Variants in TUSC3 observed in about 807,000 individuals in gnomAD.
TUSC3 encodes the protein dolichyl-diphosphooligosaccharide--protein glycosyltransferase subunit TUSC3.
TUSC3 carries 45 observed loss-of-function variants against 44.8 expected under a neutral mutation model. The ratio of observed to expected loss-of-function variants is 1.00; its 90% CI spans 0.79 to 1.29. The LOEUF is 1.29. Among genes scored for constraint, TUSC3 ranks in the 50% most tolerant of loss-of-function variants. The pLI is 0.00. For missense variants in TUSC3, 519 were observed against 437.9 expected (o/e 1.19, Z -1.65); for synonymous variants, 212 against 152.9 (o/e 1.39, Z -2.85).
intron 6 of TUSC3, among the ~76,000 whole-genome samples, chr8:15,686,491 A>T (rs913944998): frequency 5.2e-4 from 78 of 148,916 alleles, no homozygotes; most frequent in Admixed American, 1.5e-3. Flanking sequence ...TCATCGAGGC[A>T]TTTTTTTTTT....
In TUSC3 at chr8:15,684,628, A is replaced by G. The variant is rs1400550760; in HGVS notation, c.798+10792A>G. Reference sequence around the variant, plus strand: ...GTTCCTCCCGGACTGGTCTTATGAAAGGAGGGATGCCCAGCTCTGATGTCA... The same window carrying G: ...GTTCCTCCCGGACTGGTCTTATGAAGGGAGGGATGCCCAGCTCTGATGTCA... On this transcript the variant is annotated intron_variant, in intron 6 of 10. Coordinates refer to ENST00000503731, the MANE Select transcript of TUSC3 (RefSeq NM_006765.4). Among the ~76,000 whole-genome samples the G allele has an allele frequency of 2.0e-5, 3 of 152,144 alleles. No individual in the cohort carries two copies. In the East Asian group the frequency reaches 5.8e-4, roughly 29 times the overall value.
At chr8:15,824,091 G>A in the TUSC3 span, among the ~76,000 whole-genome samples, 4 of 152,176 alleles carry the variant, frequency 2.6e-5, no homozygotes, top group African/African-American at 7.2e-5. Context: ...ATTTTAGAAG[G>A]AGGAAGAAGA....
chr8:15,597,388 A>T (rs1431770298), intron 1 of TUSC3, among the ~76,000 whole-genome samples: 1 of 152,070 alleles, frequency 6.6e-6, no homozygotes, highest in Non-Finnish European at 1.5e-5. Flanking sequence ...TGGACACTGC[A>T]TTCTTAAATA....
At chr8:15,750,060 A>G (rs1811626341) in intron 9 of TUSC3, among the ~76,000 whole-genome samples, 2 of 150,662 alleles carry the variant, frequency 1.3e-5, no homozygotes, top group Middle Eastern at 6.8e-3. Context: ...GCTCACTGCA[A>G]GCTCCGCCTC....
chr8:15,551,978 C>G (rs1802076369), intron 1 of TUSC3, among the ~76,000 whole-genome samples: 1 of 151,628 alleles, frequency 6.6e-6, no homozygotes, highest in Non-Finnish European at 1.5e-5. Context: ...TTACCGATTT[C>G]TTAGTAAAAT....
intron 1 of TUSC3, among the ~76,000 whole-genome samples, chr8:15,443,952 C>A (rs185111195): frequency 4.5e-4 from 68 of 152,238 alleles, no homozygotes; most frequent in African/African-American, 1.6e-3. Flanking sequence ...ACTCCTGGCT[C>A]ACTGGCTTCC....
chr8:15,468,703 G>A (rs571753426), intron 1 of TUSC3, among the ~76,000 whole-genome samples: 1 of 152,116 alleles, frequency 6.6e-6, no homozygotes, highest in South Asian at 2.1e-4. Context: ...CTTCTAGAAA[G>A]GAATACAGAA....
chr8:15,834,311 G>C, the TUSC3 span, among the ~76,000 whole-genome samples: 2 of 151,940 alleles, frequency 1.3e-5, no homozygotes, highest in Admixed American at 1.3e-4. Flanking sequence ...TTAATAATCA[G>C]TACACTCTTT....
At chr8:15,851,362 T>C in the TUSC3 span, among the ~76,000 whole-genome samples, 1 of 152,200 alleles carries the variant, frequency 6.6e-6, no homozygotes, top group East Asian at 1.9e-4. Flanking sequence ...CAATGTACAA[T>C]AGGTAATTAT....
intron 1 of TUSC3, among the ~76,000 whole-genome samples, chr8:15,443,550 T>G (rs908519169): frequency 1.3e-5 from 2 of 152,134 alleles, no homozygotes; most frequent in Non-Finnish European, 2.9e-5. Context: ...TCCATCTTGC[T>G]TCTAACCTTT....
chr8:15,678,089 T>A (rs62502114), intron 6 of TUSC3, among the ~76,000 whole-genome samples: 33,398 of 151,990 alleles, frequency 0.22, 4,332 homozygotes, highest in Non-Finnish European at 0.3. Flanking sequence ...CTGAACCTTA[T>A]TTCTGCTATG....
At chr8:15,493,456 T>C (rs181204712) in intron 2 of TUSC3, among the ~76,000 whole-genome samples, 161 of 152,226 alleles carry the variant, frequency 1.1e-3, no homozygotes, top group African/African-American at 3.7e-3. Flanking sequence ...ATAGACAAGA[T>C]CTTGCTATGT....
intron 1 of TUSC3, among the ~76,000 whole-genome samples, chr8:15,423,033 C>G (rs4454303): frequency 1 from 152,103 of 152,334 alleles, 75,937 homozygotes; most frequent in Middle Eastern, 1. Flanking sequence ...ATTTTTATTT[C>G]TTGACTTAGT....
chr8:15,548,211 T>A (rs967431159), intron 1 of TUSC3, among the ~76,000 whole-genome samples: 8 of 151,762 alleles, frequency 5.3e-5, no homozygotes, highest in Non-Finnish European at 5.9e-5. Context: ...CACAATATCT[T>A]TGCCTGATGG....
the TUSC3 span, among the ~76,000 whole-genome samples, chr8:15,772,860 T>C: frequency 6.6e-6 from 1 of 152,006 alleles, no homozygotes; most frequent in African/African-American, 2.4e-5. Flanking sequence ...AGAAAGAAAA[T>C]CAGTGTAACA....
chr8:15,609,967 A>G (rs534738995), intron 1 of TUSC3, among the ~76,000 whole-genome samples: 2 of 151,870 alleles, frequency 1.3e-5, no homozygotes, highest in East Asian at 1.9e-4. Flanking sequence ...ACCACATTTC[A>G]TTTTAGTCTC....
intron 2 of TUSC3, among the ~76,000 whole-genome samples, chr8:15,502,329 A>G (rs12550443): frequency 0.24 from 37,015 of 152,074 alleles, 5,220 homozygotes; most frequent in Admixed American, 0.4. Context: ...TTGAAGTTCA[A>G]TTATATCATA....
At position 15,439,905 on chromosome 8, in the gene TUSC3, T is replaced by C. The variant is rs377147836; in HGVS notation, n.91+22600T>C. Among the ~76,000 whole-genome samples the C allele has an allele frequency of 5.3e-4, 81 of 152,328 alleles. No individual in the cohort carries two copies. In the South Asian group the frequency reaches 0.016, roughly 29 times the overall value. On this transcript the variant is annotated intron_variant and non_coding_transcript_variant, in intron 1 of 5. Transcript: ENST00000503191. ...CTTCCTTTTGAATCATTGCATCATT[T>C]TGCTTCTTACAAGTAATGCAACAGA...
At chr8:15,551,280 T>G (rs1802053370) in intron 1 of TUSC3, among the ~76,000 whole-genome samples, 1 of 151,726 alleles carries the variant, frequency 6.6e-6, no homozygotes, top group Non-Finnish European at 1.5e-5. Flanking sequence ...TTTAGATCCT[T>G]TCTAGATTTT....
Sources: allele counts gnomAD v4.1 joint callset (sites outside exome capture counted in the v4.1 genomes callset), GRCh38; gene constraint gnomAD v4.1.1; transcripts MANE v1.5; gene names NCBI Gene and HGNC (gene_info 2026-07-23, HGNC 2026-07-21).